CHCHD6: variants seen among roughly 807,000 people sequenced by gnomAD.
The protein encoded by CHCHD6 is MICOS complex subunit MIC25.
In CHCHD6, 28 loss-of-function variants were observed where a neutral mutation model predicts 32.3. The ratio of observed to expected loss-of-function variants is 0.87; its 90% CI spans 0.64 to 1.19. CHCHD6 has a LOEUF of 1.19. Among genes scored for constraint, CHCHD6 ranks in the 50% most tolerant of loss-of-function variants. CHCHD6 has a pLI of 0.00. For missense variants in CHCHD6, 333 were observed against 307.0 expected, an observed-to-expected ratio of 1.08 and a Z score of -0.63; for synonymous variants, 122 against 117.5, an observed-to-expected ratio of 1.04 and a Z score of -0.25.
At chr3:126,841,766 T>C (rs1337859721) in intron 4 of CHCHD6, among the ~76,000 whole-genome samples, 2 of 151,908 alleles carry the variant, frequency 1.3e-5, no homozygotes, top group Non-Finnish European at 2.9e-5. Flanking sequence ...TTTTTTTTAA[T>C]TAACTGGGCA....
intron 4 of CHCHD6, among the ~76,000 whole-genome samples, chr3:126,826,907 A>C (rs1334499801): frequency 6.6e-6 from 1 of 152,204 alleles, no homozygotes; most frequent in Non-Finnish European, 1.5e-5. Context: ...TCTGGTCCAC[A>C]GAAAGGATGT....
chr3:126,917,222 G>A (rs922658091), intron 6 of CHCHD6, among the ~76,000 whole-genome samples: 2 of 152,190 alleles, frequency 1.3e-5, no homozygotes, highest in African/African-American at 4.8e-5. Context: ...TCTGCAAGGC[G>A]TTTCAACTCC....
intron 1 of CHCHD6, among the ~76,000 whole-genome samples, chr3:126,722,816 A>G (rs907452175): frequency 1.3e-5 from 2 of 152,160 alleles, no homozygotes; most frequent in African/African-American, 2.4e-5. Context: ...AAAAAGTCCA[A>G]TTATTTATTT....
At chr3:126,884,333 A>T (rs2077651657) in intron 5 of CHCHD6, among the ~76,000 whole-genome samples, 2 of 152,224 alleles carry the variant, frequency 1.3e-5, no homozygotes, top group African/African-American at 4.8e-5. Context: ...CTTACTAAAC[A>T]TTCAGCAAGA....
At chr3:126,854,253 A>C (rs1941573676) in intron 5 of CHCHD6, among the ~76,000 whole-genome samples, 1 of 152,110 alleles carries the variant, frequency 6.6e-6, no homozygotes, top group Non-Finnish European at 1.5e-5. Context: ...TTAAAAATCG[A>C]GGTTTCCTAG....
chr3:126,913,596 G>A (rs920011079), intron 5 of CHCHD6, among the ~76,000 whole-genome samples: 4 of 152,084 alleles, frequency 2.6e-5, no homozygotes, highest in East Asian at 1.9e-4. Flanking sequence ...TTCCTCACCC[G>A]CACTGGGGAG....
rs573610767 is a variant in CHCHD6, at chr3:126,879,500, A to G, written c.495+26770A>G. On this transcript the variant is annotated intron_variant, in intron 5 of 7. Transcript: ENST00000290913. ...AATAAGAAAACAATCTTTCAAGTCT[A>G]TATTGAAGGATGATCTCCAAAACAA... Among the ~76,000 whole-genome samples the G allele has an allele frequency of 8.5e-5, 13 of 152,334 alleles. 1 individual carries two copies. The highest frequency in any genetic ancestry group is 2.0e-4 in the Admixed American group (3 of 15,308).
chr3:126,928,521 A>G (rs1372112182), intron 6 of CHCHD6, among the ~76,000 whole-genome samples: 2 of 152,032 alleles, frequency 1.3e-5, no homozygotes, highest in Non-Finnish European at 2.9e-5. Flanking sequence ...CACTCCATTC[A>G]TGCCTGCCCC....
chr3:126,927,905 G>A (rs528028787), intron 6 of CHCHD6, among the ~76,000 whole-genome samples: 5 of 152,112 alleles, frequency 3.3e-5, no homozygotes, highest in East Asian at 1.9e-4. Context: ...AGTTATTTGC[G>A]CCTTGAGGGA....
At chr3:126,732,469 CTA>C (rs1302061651) in intron 3 of CHCHD6, among the ~76,000 whole-genome samples, 2 of 152,158 alleles carry the variant, frequency 1.3e-5, no homozygotes, top group East Asian at 3.8e-4. Flanking sequence ...AAATGAAAGA[CTA>C]TTTTCTAGTG....
chr3:126,830,976 C>A (rs1032251385), intron 4 of CHCHD6, among the ~76,000 whole-genome samples: 1 of 152,180 alleles, frequency 6.6e-6, no homozygotes, highest in Non-Finnish European at 1.5e-5. Context: ...TGCTCGGGGG[C>A]CGCACCCTGT....
At chr3:126,921,573 A>G (rs560837068) in intron 6 of CHCHD6, among the ~76,000 whole-genome samples, 1 of 152,326 alleles carries the variant, frequency 6.6e-6, no homozygotes, top group South Asian at 2.1e-4. Flanking sequence ...AAACTTGTAC[A>G]GTCCTCCCTG....
chr3:126,813,161 G>A (rs1559859646), intron 4 of CHCHD6, among the ~76,000 whole-genome samples: 2 of 152,182 alleles, frequency 1.3e-5, no homozygotes, highest in Admixed American at 6.5e-5. Flanking sequence ...AAAATTTTGA[G>A]TTCAGATCTT....
rs1474320539 is a variant in CHCHD6 at position 126,876,194 on chromosome 3, C to T, written c.495+23464C>T. Among the ~76,000 whole-genome samples, 3 of 152,242 alleles carry T rather than the reference C, an allele frequency of 2.0e-5. No individual in the cohort carries two copies. In the East Asian group the frequency reaches 5.8e-4, roughly 29 times the overall value. On this transcript the variant is annotated intron_variant, in intron 5 of 7. Transcript: ENST00000290913. ...TTATATGAGTTAGTGGGCAAAGGTGCTTGCTGCAGAAGACTGCTTTCTAAT... is the reference window on the plus strand; with the variant it reads ...TTATATGAGTTAGTGGGCAAAGGTGTTTGCTGCAGAAGACTGCTTTCTAAT...
intron 6 of CHCHD6, among the ~76,000 whole-genome samples, chr3:126,951,259 G>A (rs1420169796): frequency 3.9e-5 from 6 of 152,180 alleles, no homozygotes; most frequent in Non-Finnish European, 2.9e-5. Flanking sequence ...CACCAGCAAT[G>A]CAAAACTGTA....
intron 5 of CHCHD6, among the ~76,000 whole-genome samples, chr3:126,884,387 G>A (rs1395017663): frequency 6.6e-6 from 1 of 152,068 alleles, no homozygotes; most frequent in Non-Finnish European, 1.5e-5. Flanking sequence ...AATCAAAGAG[G>A]GAATTATTTT....
chr3:126,786,118 G>T (rs976346386), intron 4 of CHCHD6, among the ~76,000 whole-genome samples: 1 of 152,080 alleles, frequency 6.6e-6, no homozygotes, highest in Non-Finnish European at 1.5e-5. Flanking sequence ...GAGAATGATG[G>T]TTTCCAGCTT....
At chr3:126,957,594 G>T (rs768842979) in intron 7 of CHCHD6, 43 bp downstream of exon 7, 29 of 1,545,814 alleles carry the variant, frequency 1.9e-5, no homozygotes, top group Non-Finnish European at 2.5e-5. Context: ...GGCCTTGGGA[G>T]GTAGGCGAGG....
rs1936728547 is a variant in CHCHD6 at position 126,751,694 on chromosome 3, GC to G, written c.411+18474del. Reference sequence around the variant, plus strand: ...TGTCTAGCAGCTAGGATTGGAGGCTGCCGCAGCATGGTGTGAATTCAGGAGC... The same window carrying G: ...TGTCTAGCAGCTAGGATTGGAGGCTGCGCAGCATGGTGTGAATTCAGGAGC... On this transcript the variant is annotated intron_variant, in intron 4 of 7. Coordinates refer to ENST00000290913, the MANE Select transcript of CHCHD6 (RefSeq NM_032343.3). Among the ~76,000 whole-genome samples the G allele has an allele frequency of 3.3e-5, 5 of 152,226 alleles. 1 individual carries two copies. In the Middle Eastern group the frequency reaches 0.014, roughly 414 times the overall value.
Sources: gnomAD v4.1 joint callset for allele counts (sites outside exome capture counted in the v4.1 genomes callset) on GRCh38, gnomAD v4.1.1 for gene constraint, MANE v1.5 for transcripts, NCBI Gene and HGNC (gene_info 2026-07-23, HGNC 2026-07-21) for gene names.